P4HA2: variants seen among roughly 807,000 people sequenced by gnomAD.
The protein encoded by P4HA2 is prolyl 4-hydroxylase subunit alpha-2.
A neutral mutation model predicts 76.9 loss-of-function variants in P4HA2; 46 were observed. The observed-to-expected ratio is 0.60, with a 90% CI of 0.47 to 0.76. The LOEUF (loss-of-function observed/expected upper bound fraction) is 0.76. P4HA2 is among the 30% of genes least tolerant of loss of function. The pLI, the probability that P4HA2 is intolerant of heterozygous loss-of-function variation, is 0.00. For missense variants in P4HA2, 583 were observed against 669.4 expected (o/e 0.87, Z 1.42); for synonymous variants, 243 against 254.0 (o/e 0.96, Z 0.41).
At chr5:132,195,061 G>A (rs180789948) in intron 13 of P4HA2, 39 bp from the exon 14 acceptor site, 304 of 1,373,392 alleles carry the variant, frequency 2.2e-4, no homozygotes, top group African/African-American at 1.4e-3. Context: ...ATTCTTAAGA[G>A]ACTGTGCTCA....
At chr5:132,207,089 G>A (rs137914511) in intron 8 of P4HA2, among the ~76,000 whole-genome samples, 101 of 152,274 alleles carry the variant, frequency 6.6e-4, no homozygotes, top group African/African-American at 2.4e-3. Context: ...ACTATGAAAT[G>A]TATTTGTAAA....
chr5:132,194,795 G>GA (rs894848905), intron 14 of P4HA2, 131 bp downstream of exon 14: 3 of 714,924 alleles, frequency 4.2e-6, no homozygotes, highest in South Asian at 3.1e-5. Flanking sequence ...AATAACAGCA[G>GA]AAAAAAACCT....
At chr5:132,214,165 C>T in intron 4 of P4HA2, 112 bp from the exon 5 acceptor site, 1 of 1,066,096 alleles carries the variant, frequency 9.4e-7, no homozygotes, top group Non-Finnish European at 1.3e-6. Flanking sequence ...ATTTCCCCGC[C>T]CCCTCCCTCA....
intron 11 of P4HA2, 91 bp downstream of exon 11, chr5:132,198,788 G>A (rs759422935): frequency 1.1e-6 from 1 of 881,954 alleles, no homozygotes; most frequent in Non-Finnish European, 1.9e-6. Context: ...TGGGGGTACT[G>A]ATGTGGAGGC....
chr5:132,199,668 G>C lies in P4HA2; in HGVS notation c.1252-736C>G, dbSNP rs1388759753. ...ATTATTGTCTCAGCGTCAGTAGACAGAATGAGAGACAAGGTTAAAGATGAA... is the reference window on the plus strand; with the variant it reads ...ATTATTGTCTCAGCGTCAGTAGACACAATGAGAGACAAGGTTAAAGATGAA... On this transcript the variant is annotated intron_variant, in intron 10 of 14. Transcript: ENST00000360568. 2.0e-5 allele frequency: 3 copies of C among 152,330 alleles called. No homozygotes were observed. The East Asian group carries it at 5.8e-4, about 29-fold the overall frequency. 9.4% of individuals were successfully genotyped at this position (152,330 alleles called of 1,614,324 possible).
At chr5:132,212,251 A>G (rs977403536) in intron 5 of P4HA2, among the ~76,000 whole-genome samples, 1 of 152,218 alleles carries the variant, frequency 6.6e-6, no homozygotes, top group African/African-American at 2.4e-5. Context: ...TAGCTTTGGA[A>G]ATTAAGCACA....
chr5:132,199,004 T>G (rs1397955963), intron 10 of P4HA2, 72 bp from the exon 11 acceptor site: 4 of 1,044,028 alleles, frequency 3.8e-6, no homozygotes, highest in Non-Finnish European at 6.0e-6. Context: ...ACTCTAGGGA[T>G]ACCATCTTCC....
rs139962653 is a variant in P4HA2 at position 132,195,476 on chromosome 5, C to G, written c.1370G>C (p.Ser457Thr). 4.3e-6 allele frequency: 7 copies of G among 1,612,276 alleles called. No individual in the cohort carries two copies. The highest frequency in any genetic ancestry group is 5.1e-6 in the Non-Finnish European group (6 of 1,178,322). The change falls in exon 13 of 15, where the codon AGT (serine) becomes ACT (threonine). Residue 457 changes from serine (S) to threonine (T), a missense_variant. By Grantham distance (58) the Ser-to-Thr change is moderately conservative (BLOSUM62 1). Transcript: ENST00000360568. ...NRLATFLNYMSDVEAGGATVF... is the reference protein window; with the variant it reads ...NRLATFLNYMTDVEAGGATVF... Reference sequence around the variant, plus strand: ...GGTGGCACCACCAGCTTCTACATCACTCATCTGGAAATATAAGACATAGAG... The same window carrying G: ...GGTGGCACCACCAGCTTCTACATCAGTCATCTGGAAATATAAGACATAGAG...
intron 7 of P4HA2, 121 bp downstream of exon 7, chr5:132,209,017 A>C (rs1752644190): frequency 4.3e-6 from 3 of 705,172 alleles, no homozygotes; most frequent in Non-Finnish European, 7.3e-6. Context: ...TGCCATGAAA[A>C]ACTGGGGGAT....
chr5:132,223,144 A>C (rs1274678954), intron 1 of P4HA2, among the ~76,000 whole-genome samples: 1 of 152,222 alleles, frequency 6.6e-6, no homozygotes, highest in Admixed American at 6.5e-5. Flanking sequence ...GACTCTGTTG[A>C]AGTACCAGAC....
intron 5 of P4HA2, 138 bp from the exon 6 acceptor site, chr5:132,210,661 T>C (rs1393712751): frequency 1.2e-6 from 1 of 832,840 alleles, no homozygotes; most frequent in African/African-American, 1.7e-5. Context: ...AGACTGCATA[T>C]CCTAAAGGGC....
intron 1 of P4HA2, among the ~76,000 whole-genome samples, chr5:132,222,379 A>AC (rs1754766038): frequency 6.6e-6 from 1 of 152,140 alleles, no homozygotes; most frequent in African/African-American, 2.4e-5. Flanking sequence ...CTAGGCAAGT[A>AC]TGGGGGGTAC....
chr5:132,215,838 A>C (rs1753769044), intron 4 of P4HA2, among the ~76,000 whole-genome samples: 1 of 122,150 alleles, frequency 8.2e-6, no homozygotes, highest in African/African-American at 3.2e-5. Flanking sequence ...ATATAGTGAG[A>C]CCCTGTCCCT....
intron 8 of P4HA2, among the ~76,000 whole-genome samples, chr5:132,206,611 CA>C (rs1752245273): frequency 6.6e-6 from 1 of 152,074 alleles, no homozygotes; most frequent in Non-Finnish European, 1.5e-5. Flanking sequence ...AAATGGGGAA[CA>C]AATCTTTTAT....
At chr5:132,208,073 G>T (rs185616) in intron 7 of P4HA2, among the ~76,000 whole-genome samples, 189 bp from the exon 8 acceptor site, 1 of 151,426 alleles carries the variant, frequency 6.6e-6, no homozygotes, top group African/African-American at 2.4e-5. Context: ...GAGAACTCTG[G>T]GGGGCCAAAG....
rs186716762 is a variant in P4HA2 at position 132,220,309 on chromosome 5, C to T, written c.-18-1665G>A. Among the ~76,000 whole-genome samples, 504 of 152,344 alleles carry T rather than the reference C, an allele frequency of 3.3e-3. 2 individuals are homozygous for T. Among genetic ancestry groups the T allele is most frequent in the Middle Eastern group, 0.014 (4 of 294 alleles). ...AGGGATTGGGTGTCTGTTTCTTGTT[C>T]CTCAAAAGGCTTGACTGGCTCAGGC... is the stretch of plus-strand genomic sequence containing the variant. On this transcript the variant is annotated intron_variant, in intron 1 of 14. Transcript: ENST00000360568.
intron 4 of P4HA2, among the ~76,000 whole-genome samples, chr5:132,215,464 C>T (rs887120404): frequency 2.0e-5 from 3 of 152,188 alleles, no homozygotes; most frequent in Admixed American, 2.0e-4. Context: ...GCTGCAGGCC[C>T]AGGCGGAGAG....
chr5:132,194,485 C>A (rs1298073709), intron 14 of P4HA2, among the ~76,000 whole-genome samples: 1 of 152,154 alleles, frequency 6.6e-6, no homozygotes, highest in African/African-American at 2.4e-5. Context: ...ATCTTCTGGC[C>A]CCTGTGCCAC....
intron 5 of P4HA2, among the ~76,000 whole-genome samples, chr5:132,210,939 A>G (rs1561484432): frequency 6.6e-6 from 1 of 152,246 alleles, no homozygotes; most frequent in Non-Finnish European, 1.5e-5. Flanking sequence ...GGTGGCAACC[A>G]AGCCATGGGT....
Sources: gnomAD v4.1 joint callset for allele counts (sites outside exome capture counted in the v4.1 genomes callset) on GRCh38, gnomAD v4.1.1 for gene constraint, MANE v1.5 for transcripts, NCBI Gene and HGNC (gene_info 2026-07-23, HGNC 2026-07-21) for gene names.